Variants in PTPRT observed in about 807,000 individuals in gnomAD.
PTPRT encodes receptor-type tyrosine-protein phosphatase T.
A neutral mutation model predicts 176.8 loss-of-function variants in PTPRT; 56 were observed. The ratio of observed to expected loss-of-function variants is 0.32; its 90% CI spans 0.26 to 0.40. The LOEUF (loss-of-function observed/expected upper bound fraction) is 0.40. Ranked by LOEUF, PTPRT falls within the 10% of genes least tolerant of loss-of-function variation. The pLI is 1.00. For missense variants in PTPRT, 1,540 were observed against 1,908.2 expected (o/e 0.81, Z 3.60); for synonymous variants, 783 against 739.0 (o/e 1.06, Z -0.96).
chr20:42,510,662 G>A (rs1030411175), intron 7 of PTPRT, among the ~76,000 whole-genome samples: 2 of 152,088 alleles, frequency 1.3e-5, no homozygotes, highest in Non-Finnish European at 2.9e-5. Flanking sequence ...GAACTAAGGG[G>A]TGGCAGGCAA....
At chr20:42,624,468 G>A (rs1368837060) in intron 7 of PTPRT, among the ~76,000 whole-genome samples, 1 of 152,210 alleles carries the variant, frequency 6.6e-6, no homozygotes, top group Non-Finnish European at 1.5e-5. Context: ...TTATTGAGGT[G>A]CTCAAACTAT....
intron 19 of PTPRT, among the ~76,000 whole-genome samples, chr20:42,124,100 A>G (rs1987732298): frequency 6.6e-6 from 1 of 152,228 alleles, no homozygotes; most frequent in Non-Finnish European, 1.5e-5. Flanking sequence ...AAACCCACGC[A>G]GTCCCCAAAG....
chr20:42,273,136 A>T (rs1418607975), intron 13 of PTPRT, among the ~76,000 whole-genome samples: 2 of 152,168 alleles, frequency 1.3e-5, no homozygotes, highest in African/African-American at 4.8e-5. Context: ...TGTTTCTTAC[A>T]AGCCAGGTAT....
At chr20:42,833,620 A>T (rs1600808200) in intron 2 of PTPRT, among the ~76,000 whole-genome samples, 1 of 152,046 alleles carries the variant, frequency 6.6e-6, no homozygotes, top group African/African-American at 2.4e-5. Flanking sequence ...ACAAGATAAA[A>T]GCAGACATAT....
chr20:42,423,138 C>A (rs550911785), intron 9 of PTPRT, among the ~76,000 whole-genome samples: 105 of 144,398 alleles, frequency 7.3e-4, no homozygotes, highest in African/African-American at 2.7e-3. Flanking sequence ...ACACAATTAG[C>A]TCCCATGAAA....
chr20:42,125,027 C>T, intron 19 of PTPRT, among the ~76,000 whole-genome samples: 1 of 152,154 alleles, frequency 6.6e-6, no homozygotes, highest in East Asian at 1.9e-4. Context: ...GTCTCCATGC[C>T]TTGCTTGACC....
At chr20:42,546,321 T>C (rs1601238975) in intron 7 of PTPRT, among the ~76,000 whole-genome samples, 1 of 152,104 alleles carries the variant, frequency 6.6e-6, no homozygotes, top group South Asian at 2.1e-4. Flanking sequence ...GCTGGATTGG[T>C]TACAGCTTGG....
intron 1 of PTPRT, among the ~76,000 whole-genome samples, chr20:42,888,619 G>A (rs930740106): frequency 1.3e-5 from 2 of 152,190 alleles, no homozygotes; most frequent in African/African-American, 2.4e-5. Flanking sequence ...ATAGACCAGA[G>A]AGAGAATTAT....
At chr20:43,102,017 G>A (rs1343447041) in intron 1 of PTPRT, among the ~76,000 whole-genome samples, 1 of 152,118 alleles carries the variant, frequency 6.6e-6, no homozygotes, top group Non-Finnish European at 1.5e-5. Context: ...CACCATCTAG[G>A]TGTCCTTACA....
intron 7 of PTPRT, among the ~76,000 whole-genome samples, chr20:42,634,264 C>G (rs1249373152): frequency 1.4e-5 from 2 of 144,386 alleles, no homozygotes. Flanking sequence ...TCTGGTCCAC[C>G]GACTGTGAAC....
intron 15 of PTPRT, among the ~76,000 whole-genome samples, chr20:42,200,035 G>T (rs1005910314): frequency 6.8e-6 from 1 of 147,740 alleles, no homozygotes; most frequent in Non-Finnish European, 1.5e-5. Context: ...GTGTAAATTT[G>T]AATCACCTGA....
chr20:42,076,528 A>T lies in PTPRT; in HGVS notation c.*4351T>A, dbSNP rs1462087165. 1 of 202,832 alleles carries T rather than the reference A, an allele frequency of 4.9e-6. No individual in the cohort carries two copies. The highest frequency in any genetic ancestry group is 1.0e-5 in the Non-Finnish European group (1 of 98,726). The allele number at this position is 202,832 out of a possible 1,614,324, so 12.6% of individuals were successfully genotyped here. The stretch of plus-strand genomic sequence containing the variant: ...AAGATGCCTTAGTTGAGGTCCCCTC[A>T]TGAACAGTGAGGTCAGAGCACCCAC... On this transcript the variant is annotated 3_prime_UTR_variant, in exon 31 of 31. Coordinates refer to ENST00000373187, the MANE Select transcript of PTPRT (RefSeq NM_007050.6).
intron 7 of PTPRT, among the ~76,000 whole-genome samples, chr20:42,604,884 C>T (rs1308497640): frequency 6.6e-6 from 1 of 152,146 alleles, no homozygotes; most frequent in Non-Finnish European, 1.5e-5. Context: ...CCCCTTGAGG[C>T]TTGGTGTGTG....
chr20:42,895,706 G>A (rs2079284035), intron 1 of PTPRT, among the ~76,000 whole-genome samples: 1 of 152,160 alleles, frequency 6.6e-6, no homozygotes, highest in Admixed American at 6.5e-5. Context: ...ACTGCATGTT[G>A]CATTTCATAT....
At chr20:42,274,329 T>C (rs530261162) in intron 13 of PTPRT, among the ~76,000 whole-genome samples, 1 of 152,176 alleles carries the variant, frequency 6.6e-6, no homozygotes, top group African/African-American at 2.4e-5. Context: ...ATATTCTAGA[T>C]GGCACAGCAA....
At chr20:42,838,029 G>C (rs1458263191) in intron 2 of PTPRT, among the ~76,000 whole-genome samples, 1 of 152,100 alleles carries the variant, frequency 6.6e-6, no homozygotes, top group Non-Finnish European at 1.5e-5. Context: ...AAACTGTTTT[G>C]TTTGTTTGTT....
At chr20:43,125,083 C>T (rs1264706011) in intron 1 of PTPRT, among the ~76,000 whole-genome samples, 1 of 151,794 alleles carries the variant, frequency 6.6e-6, no homozygotes, top group African/African-American at 2.4e-5. Flanking sequence ...GCAACCTCCA[C>T]CTCCCAGGTT....
At chr20:42,382,396 G>T (rs528245349) in intron 9 of PTPRT, among the ~76,000 whole-genome samples, 49 of 152,152 alleles carry the variant, frequency 3.2e-4, no homozygotes, top group Admixed American at 2.0e-4. Context: ...CTGATCCCAG[G>T]AGAAATCCAC....
chr20:42,636,998 ACT>A (rs1206306234), intron 7 of PTPRT, among the ~76,000 whole-genome samples: 1 of 151,790 alleles, frequency 6.6e-6, no homozygotes. Flanking sequence ...GGTGCCTCTG[ACT>A]CTGGAGGGAT....
Sources: gnomAD v4.1 joint callset for allele counts (sites outside exome capture counted in the v4.1 genomes callset) on GRCh38, gnomAD v4.1.1 for gene constraint, MANE v1.5 for transcripts, NCBI Gene and HGNC (gene_info 2026-07-23, HGNC 2026-07-21) for gene names.